The following DCC variants were observed in gnomAD, a reference collection of about 807,000 sequenced individuals.
DCC encodes the protein netrin receptor DCC.
DCC carries 58 observed loss-of-function variants against 172.5 expected under a neutral mutation model. The ratio of observed to expected loss-of-function variants is 0.34; its 90% CI spans 0.27 to 0.42. The LOEUF (loss-of-function observed/expected upper bound fraction) is 0.42, where lower values mean the gene tolerates loss of function less well. Ranked by LOEUF, DCC falls within the 10% of genes least tolerant of loss-of-function variation. DCC has a pLI of 1.00. For synonymous variants in DCC, 709 were observed against 644.5 expected, an observed-to-expected ratio of 1.10 and a Z score of -1.52; for missense variants, 1,740 against 1,791.0, an observed-to-expected ratio of 0.97 and a Z score of 0.51.
At chr18:52,963,271 T>C (rs958583775) in intron 5 of DCC, among the ~76,000 whole-genome samples, 8 of 151,808 alleles carry the variant, frequency 5.3e-5, no homozygotes, top group Non-Finnish European at 1.0e-4. Context: ...TTATATCTTA[T>C]TTTCCATAAT....
chr18:52,474,587 G>C (rs1989042525), intron 1 of DCC, among the ~76,000 whole-genome samples: 1 of 152,196 alleles, frequency 6.6e-6, no homozygotes, highest in African/African-American at 2.4e-5. Flanking sequence ...CACTGAGGTT[G>C]TGACTTCATC....
intron 2 of DCC, among the ~76,000 whole-genome samples, chr18:52,899,469 T>G (rs1321973509): frequency 4.2e-5 from 6 of 143,446 alleles, no homozygotes; most frequent in African/African-American, 1.5e-4. Flanking sequence ...TTCTCCTGCC[T>G]CAGCCTCCCA....
chr18:52,940,585 T>C (rs2040446630), intron 5 of DCC, among the ~76,000 whole-genome samples: 1 of 152,212 alleles, frequency 6.6e-6, no homozygotes, highest in Non-Finnish European at 1.5e-5. Context: ...GAAGCTGTTC[T>C]AGCTGGGGAG....
intron 28 of DCC, among the ~76,000 whole-genome samples, chr18:53,529,034 TCTCTCACA>T (rs781276089): frequency 0.053 from 3,359 of 63,038 alleles, 40 homozygotes; most frequent in African/African-American, 0.11. Context: ...TCTCTCTCTC[TCTCTCACA>T]CACACACACA....
chr18:53,262,630 T>A (rs1490687076), intron 12 of DCC, among the ~76,000 whole-genome samples: 1 of 152,240 alleles, frequency 6.6e-6, no homozygotes, highest in Non-Finnish European at 1.5e-5. Context: ...TCTGTTTATA[T>A]AATGAAAAAC....
At chr18:52,581,511 A>G (rs1235967104) in intron 1 of DCC, among the ~76,000 whole-genome samples, 1 of 152,136 alleles carries the variant, frequency 6.6e-6, no homozygotes, top group Non-Finnish European at 1.5e-5. Context: ...ATGGGATTCA[A>G]TTCAGGGGTG....
At chr18:53,315,602 C>T (rs1201355694) in intron 13 of DCC, among the ~76,000 whole-genome samples, 1 of 152,190 alleles carries the variant, frequency 6.6e-6, no homozygotes, top group Non-Finnish European at 1.5e-5. Context: ...ATTCCTATTT[C>T]TCCACATCCT....
At chr18:52,885,540 C>A (rs1386274318) in intron 2 of DCC, among the ~76,000 whole-genome samples, 1 of 152,046 alleles carries the variant, frequency 6.6e-6, no homozygotes, top group Non-Finnish European at 1.5e-5. Context: ...GGCCTGAGAC[C>A]CACACTTCAG....
chr18:53,259,386 G>A (rs1404787698), intron 12 of DCC, among the ~76,000 whole-genome samples: 2 of 152,180 alleles, frequency 1.3e-5, no homozygotes, highest in East Asian at 1.9e-4. Context: ...TCCTTCAGGA[G>A]CTCTTTTAGG....
At chr18:53,005,317 C>A (rs1234712014) in intron 5 of DCC, among the ~76,000 whole-genome samples, 1 of 152,168 alleles carries the variant, frequency 6.6e-6, no homozygotes, top group Non-Finnish European at 1.5e-5. Flanking sequence ...ATTCCCACTC[C>A]CATCTTTTTC....
chr18:52,392,363 A>G (rs1986061309), intron 1 of DCC, among the ~76,000 whole-genome samples: 1 of 152,156 alleles, frequency 6.6e-6, no homozygotes, highest in African/African-American at 2.4e-5. Context: ...TCAACCAATT[A>G]GAAAGCTTGG....
chr18:53,104,319 G>C (rs932277498), intron 7 of DCC, among the ~76,000 whole-genome samples: 1 of 151,978 alleles, frequency 6.6e-6, no homozygotes, highest in African/African-American at 2.4e-5. Context: ...GAAGATAATT[G>C]AATCATGGGG....
At chr18:53,304,804 A>T (rs923473236) in intron 12 of DCC, among the ~76,000 whole-genome samples, 2 of 152,110 alleles carry the variant, frequency 1.3e-5, no homozygotes, top group African/African-American at 4.8e-5. Flanking sequence ...ATTGTCTCTT[A>T]AAAACGTATT....
At chr18:52,907,477 T>A (rs1327134152) in intron 3 of DCC, among the ~76,000 whole-genome samples, 1 of 152,026 alleles carries the variant, frequency 6.6e-6, no homozygotes, top group East Asian at 1.9e-4. Context: ...AATGCAGTGG[T>A]GCGATCACAG....
intron 1 of DCC, among the ~76,000 whole-genome samples, chr18:52,342,966 C>G (rs972973939): frequency 6.6e-6 from 1 of 152,156 alleles, no homozygotes; most frequent in Admixed American, 6.5e-5. Context: ...CAGATCTATG[C>G]TTGAAAAAGC....
chr18:53,380,500 A>G (rs1907638856), intron 15 of DCC, among the ~76,000 whole-genome samples: 1 of 152,190 alleles, frequency 6.6e-6, no homozygotes. Flanking sequence ...AAACTTTATC[A>G]GGACCGGAAC....
intron 2 of DCC, among the ~76,000 whole-genome samples, chr18:52,853,159 T>C (rs1598868404): frequency 6.6e-6 from 1 of 152,040 alleles, no homozygotes; most frequent in African/African-American, 2.4e-5. Context: ...ACAAAAGCCC[T>C]TGGAGGGGAG....
chr18:52,976,886 C>T (rs1388301827), intron 5 of DCC, among the ~76,000 whole-genome samples: 1 of 152,174 alleles, frequency 6.6e-6, no homozygotes, highest in Non-Finnish European at 1.5e-5. Flanking sequence ...TCAAATGAAA[C>T]CTGTAAAATG....
intron 7 of DCC, among the ~76,000 whole-genome samples, chr18:53,125,879 C>T (rs2043548729): frequency 1.3e-5 from 2 of 152,054 alleles, no homozygotes; most frequent in Non-Finnish European, 2.9e-5. Flanking sequence ...TTTAGTTCAC[C>T]ACAGTGTATG....
Sources: gnomAD v4.1 joint callset for allele counts (sites outside exome capture counted in the v4.1 genomes callset) on GRCh38, gnomAD v4.1.1 for gene constraint, MANE v1.5 for transcripts, NCBI Gene and HGNC (gene_info 2026-07-23, HGNC 2026-07-21) for gene names.